The following ATG4C variants were observed in gnomAD, a reference collection of about 807,000 sequenced individuals.
ATG4C encodes autophagy related 4C cysteine peptidase.
ATG4C carries 56 observed loss-of-function variants against 57.6 expected under a neutral mutation model. The observed-to-expected ratio is 0.97, with a 90% CI of 0.78 to 1.21. The LOEUF (loss-of-function observed/expected upper bound fraction) is 1.21. ATG4C is among the 50% of genes most tolerant of loss of function. ATG4C has a pLI of 0.00. For missense variants in ATG4C, 595 were observed against 529.8 expected, an observed-to-expected ratio of 1.12 and a Z score of -1.21; for synonymous variants, 157 against 174.1, an observed-to-expected ratio of 0.90 and a Z score of 0.78.
intron 3 of ATG4C, 46 bp downstream of exon 3, chr1:62,805,301 A>G (rs1664823068): frequency 1.4e-6 from 2 of 1,460,544 alleles, no homozygotes; most frequent in Admixed American, 2.9e-5. Flanking sequence ...TGTAGAAATC[A>G]TCATGTAACT....
chr1:62,850,856 A>ATGTATGTG (rs1181424516), intron 10 of ATG4C, among the ~76,000 whole-genome samples: 1 of 41,192 alleles, frequency 2.4e-5, no homozygotes, highest in African/African-American at 1.3e-4. Context: ...GTATGTATGT[A>ATGTATGTG]TATATATATA....
intron 8 of ATG4C, 29 bp downstream of exon 8, chr1:62,834,145 C>A: frequency 6.3e-7 from 1 of 1,591,308 alleles, no homozygotes; most frequent in Non-Finnish European, 8.6e-7. Flanking sequence ...TATATTTCTT[C>A]ATTGTTTTCT....
chr1:62,816,856 G>A lies in ATG4C; in HGVS notation c.394+48G>A, dbSNP rs142061316. ...TTTTGTTTTGTTTTGTTTTTTTGTCGTCGATATTTTTCCATTTGAATTCCA... is the reference window on the plus strand; with the variant it reads ...TTTTGTTTTGTTTTGTTTTTTTGTCATCGATATTTTTCCATTTGAATTCCA... On this transcript the variant is annotated intron_variant, in intron 4 of 10. Transcript: ENST00000317868. 8,538 of 1,379,488 alleles carry A rather than the reference G, an allele frequency of 6.2e-3. 43 individuals carry two copies. The highest frequency in any genetic ancestry group is 7.0e-3 in the Non-Finnish European group (7,268 of 1,031,210). 85.5% of individuals were successfully genotyped at this position (1,379,488 alleles called of 1,614,324 possible).
chr1:62,825,622 G>A (rs1361067982), intron 6 of ATG4C, among the ~76,000 whole-genome samples: 1 of 152,086 alleles, frequency 6.6e-6, no homozygotes, highest in Non-Finnish European at 1.5e-5. Flanking sequence ...TAATCTGCAT[G>A]TTGGTAACTC....
intron 9 of ATG4C, among the ~76,000 whole-genome samples, chr1:62,837,195 C>A (rs1666024987): frequency 6.6e-6 from 1 of 152,026 alleles, no homozygotes; most frequent in East Asian, 1.9e-4. Context: ...TTAGTATATC[C>A]TATTGAATTT....
intron 1 of ATG4C, among the ~76,000 whole-genome samples, chr1:62,791,613 A>G (rs1164721059): frequency 6.6e-6 from 1 of 152,190 alleles, no homozygotes; most frequent in African/African-American, 2.4e-5. Flanking sequence ...TAAACACACT[A>G]GCTCCAGTCT....
At chr1:62,834,502 C>T (rs1292072961) in intron 8 of ATG4C, among the ~76,000 whole-genome samples, 1 of 152,044 alleles carries the variant, frequency 6.6e-6, no homozygotes, top group African/African-American at 2.4e-5. Flanking sequence ...CATATGCAAA[C>T]TGTAGAATAT....
chr1:62,850,443 A>G (rs996184540), intron 10 of ATG4C, among the ~76,000 whole-genome samples: 1 of 152,160 alleles, frequency 6.6e-6, no homozygotes, highest in African/African-American at 2.4e-5. Flanking sequence ...AGAACCTTAC[A>G]GTAGCTTTTT....
At chr1:62,845,118 A>G (rs760542809) in intron 10 of ATG4C, among the ~76,000 whole-genome samples, 3 of 152,036 alleles carry the variant, frequency 2.0e-5, no homozygotes, top group Admixed American at 6.6e-5. Flanking sequence ...TACATTAGAT[A>G]TACTAGATAC....
At chr1:62,847,908 C>G (rs1004852686) in intron 10 of ATG4C, among the ~76,000 whole-genome samples, 12 of 152,176 alleles carry the variant, frequency 7.9e-5, no homozygotes, top group Non-Finnish European at 1.2e-4. Flanking sequence ...AACAACCACT[C>G]TTCCGTTCTC....
intron 6 of ATG4C, among the ~76,000 whole-genome samples, chr1:62,826,097 C>T (rs574522863): frequency 5.3e-5 from 8 of 151,528 alleles, no homozygotes; most frequent in East Asian, 3.9e-4. Context: ...TTAGTAGAGA[C>T]GGTGTTTCGC....
At chr1:62,808,244 G>A (rs1185161410) in intron 3 of ATG4C, among the ~76,000 whole-genome samples, 1 of 152,140 alleles carries the variant, frequency 6.6e-6, no homozygotes, top group Non-Finnish European at 1.5e-5. Context: ...AACAGCATCT[G>A]GCAGATGATT....
At chr1:62,849,069 G>T (rs1334595134) in intron 10 of ATG4C, among the ~76,000 whole-genome samples, 1 of 151,984 alleles carries the variant, frequency 6.6e-6, no homozygotes, top group East Asian at 1.9e-4. Context: ...TTTTCTGATT[G>T]TTTCTTGGTG....
chr1:62,811,207 A>C (rs531095795), intron 3 of ATG4C, among the ~76,000 whole-genome samples: 2 of 152,228 alleles, frequency 1.3e-5, no homozygotes, highest in Admixed American at 6.5e-5. Flanking sequence ...TATTCATAAG[A>C]ATTTAATACA....
intron 10 of ATG4C, among the ~76,000 whole-genome samples, chr1:62,842,490 G>A (rs1459637397): frequency 2.0e-5 from 3 of 151,480 alleles, no homozygotes; most frequent in Admixed American, 1.3e-4. Context: ...TAGTAGAGAC[G>A]GGGTTTCTCC....
chr1:62,794,860 G>A lies in ATG4C; in HGVS notation c.-68-8859G>A, dbSNP rs190815109. 5.2e-3 allele frequency among the ~76,000 whole-genome samples: 798 copies of A among 152,092 alleles called. 3 individuals are homozygous for A. The highest frequency in any genetic ancestry group is 8.4e-3 in the Admixed American group (129 of 15,286). ...CAAAGAGGAGGGAGAGAAGAAATGA[G>A]AAGCAGAGATGATAGCCCATTGTGT... On this transcript the variant is annotated intron_variant, in intron 1 of 10. Coordinates refer to ENST00000317868, the MANE Select transcript of ATG4C (RefSeq NM_032852.4).
chr1:62,810,734 AG>A (rs1289034505), intron 3 of ATG4C, among the ~76,000 whole-genome samples: 1 of 150,890 alleles, frequency 6.6e-6, no homozygotes, highest in Admixed American at 6.6e-5. Flanking sequence ...TTTCTTTAGA[AG>A]AAAAAGTGTT....
Position 62,857,577 on chromosome 1 carries a change from C to G in ATG4C, c.1210-6415C>G, listed in dbSNP as rs540285863. ...TCAATCATCCTGAATCCATCCCCAC[C>G]CCCCCAGTCCGTGGAGAAATTGTCT... On this transcript the variant is annotated intron_variant, in intron 10 of 10. Coordinates refer to ENST00000317868, the MANE Select transcript of ATG4C (RefSeq NM_032852.4). 1.1e-4 allele frequency among the ~76,000 whole-genome samples: 17 copies of G among 152,046 alleles called. No homozygotes were observed. In the South Asian group the frequency reaches 3.3e-3, roughly 30 times the overall value.
chr1:62,812,657 A>G (rs979929714), intron 3 of ATG4C, among the ~76,000 whole-genome samples: 6 of 152,208 alleles, frequency 3.9e-5, no homozygotes, highest in Non-Finnish European at 8.8e-5. Context: ...AGGGTATTCA[A>G]ATAGGAAGAG....
Sources: gnomAD v4.1 joint callset for allele counts (sites outside exome capture counted in the v4.1 genomes callset) on GRCh38, gnomAD v4.1.1 for gene constraint, MANE v1.5 for transcripts, NCBI Gene and HGNC (gene_info 2026-07-23, HGNC 2026-07-21) for gene names.